PFKFB3: variants seen among roughly 807,000 people sequenced by gnomAD.
The protein encoded by PFKFB3 is 6-phosphofructo-2-kinase/fructose-2,6-bisphosphatase 3.
A neutral mutation model predicts 68.0 loss-of-function variants in PFKFB3; 33 were observed. The observed-to-expected ratio is 0.49, with a 90% confidence interval of 0.37 to 0.65. PFKFB3 has a LOEUF of 0.65. PFKFB3 is among the 30% of genes least tolerant of loss of function. PFKFB3 has a pLI of 0.00. For synonymous variants in PFKFB3, 315 were observed against 288.2 expected (o/e 1.09, Z -0.94); for missense variants, 586 against 712.2 (o/e 0.82, Z 2.02).
At chr10:6,278,527 G>A in the PFKFB3 span, among the ~76,000 whole-genome samples, 3 of 152,056 alleles carry the variant, frequency 2.0e-5, no homozygotes, top group South Asian at 2.1e-4. Flanking sequence ...TGCCCACCTC[G>A]GCCTCCCAAA....
the PFKFB3 span, among the ~76,000 whole-genome samples, chr10:6,303,630 T>G: frequency 6.6e-6 from 1 of 151,874 alleles, no homozygotes; most frequent in Admixed American, 6.6e-5. Flanking sequence ...CTGGCCAACA[T>G]AGTGAAACCC....
the PFKFB3 span, among the ~76,000 whole-genome samples, chr10:6,292,354 G>A: frequency 0.031 from 4,116 of 132,478 alleles, 187 homozygotes; most frequent in African/African-American, 0.11. Context: ...GCGCAATCTC[G>A]GCTCACTGCA....
chr10:6,313,916 C>G, the PFKFB3 span, among the ~76,000 whole-genome samples: 6 of 152,222 alleles, frequency 3.9e-5, no homozygotes, highest in Admixed American at 2.6e-4. This position sits in a 1 kb window ranked among gnomAD's most constrained non-coding sequence, Gnocchi z 4.2. Flanking sequence ...CCTGCCGCTG[C>G]CTCGCACACC....
chr10:6,209,653 C>T (rs1275494418), intron 1 of PFKFB3, among the ~76,000 whole-genome samples: 10 of 150,844 alleles, frequency 6.6e-5, no homozygotes, highest in African/African-American at 9.8e-5. Flanking sequence ...TTAGTATAGA[C>T]GGGGTTTTGC....
Position 6,215,897 on chromosome 10 carries a change from G to A in PFKFB3, c.300-228G>A, listed in dbSNP as rs779334682. On this transcript the variant is annotated intron_variant, in intron 3 of 14. Coordinates refer to ENST00000379775, the MANE Select transcript of PFKFB3 (RefSeq NM_004566.4). This position sits in a 1 kb window ranked among gnomAD's most constrained non-coding sequence, Gnocchi z 4.3. Reference sequence around the variant, plus strand: ...GCAGCTCCCCAGGAGTGGTTCCCGCGTGCAGCCCGGTTTGAGCACCGCCTC... The same window carrying A: ...GCAGCTCCCCAGGAGTGGTTCCCGCATGCAGCCCGGTTTGAGCACCGCCTC... 6.6e-6 allele frequency among the ~76,000 whole-genome samples: 1 copy of A among 152,106 alleles called. No homozygotes were observed. The highest frequency in any genetic ancestry group is 1.5e-5 in the Non-Finnish European group (1 of 68,016).
intron 1 of PFKFB3, chr10:6,146,224 C>T: frequency 7.0e-7 from 1 of 1,434,062 alleles, no homozygotes; most frequent in Non-Finnish European, 9.1e-7. Flanking sequence ...TGCCTCTCTT[C>T]TCTCATAACT....
intron 4 of PFKFB3, 75 bp from the exon 5 acceptor site, chr10:6,216,631 A>C: frequency 9.9e-7 from 1 of 1,011,742 alleles, no homozygotes; most frequent in Non-Finnish European, 1.6e-6. Flanking sequence ...TGGGTCTGGC[A>C]TCTTTGCTGT....
upstream of PFKFB3, among the ~76,000 whole-genome samples, chr10:6,199,527 C>T (rs1481195393): frequency 1.3e-5 from 2 of 151,558 alleles, no homozygotes; most frequent in African/African-American, 4.9e-5. Context: ...CTCTGTCACC[C>T]AGGCTGGAGT....
rs60958617 is a variant in PFKFB3, at chr10:6,245,402, TTTA to T, written c.1516-8757_1516-8755del. 5.1e-3 allele frequency among the ~76,000 whole-genome samples: 752 copies of T among 147,064 alleles called. 5 individuals are homozygous for T. Among genetic ancestry groups the T allele is most frequent in the Admixed American group, 0.011 (161 of 14,598 alleles). ...GAGCTACTGCACCCGGCCTATTTGA[TTTA>T]TTATTATTATTATTATTACTATTAT... On this transcript the variant is annotated intron_variant, in intron 14 of 14. Transcript: ENST00000640683.
chr10:6,314,572 T>G, the PFKFB3 span, among the ~76,000 whole-genome samples: 1 of 152,218 alleles, frequency 6.6e-6, no homozygotes, highest in Non-Finnish European at 1.5e-5. Context: ...TCTGTGCCAT[T>G]ATATGATGAC....
rs145637580 is a variant in PFKFB3, at chr10:6,162,474, G to A, written c.16+17461G>A. 2.1e-3 allele frequency among the ~76,000 whole-genome samples: 316 copies of A among 152,258 alleles called. 7 individuals are homozygous for A. The East Asian group carries it at 0.051, about 25-fold the overall frequency. Reference sequence around the variant, plus strand: ...GAGTGAAACACTTATCAGAGTGTCCGTAAAATGGCTATTTACCATTTTTGT... The same window carrying A: ...GAGTGAAACACTTATCAGAGTGTCCATAAAATGGCTATTTACCATTTTTGT... On this transcript the variant is annotated intron_variant, in intron 1 of 14. Transcript: ENST00000379789.
the PFKFB3 span, among the ~76,000 whole-genome samples, chr10:6,316,368 A>G: frequency 6.6e-6 from 1 of 152,234 alleles, no homozygotes; most frequent in African/African-American, 2.4e-5. Context: ...ACCACCAAAG[A>G]TCAATGACTT....
chr10:6,219,679 C>CGACAAAT lies in PFKFB3; in HGVS notation c.611_617dup (p.Cys206Ter), dbSNP rs765391948. 1 of 1,613,762 alleles carries CGACAAAT rather than the reference C, an allele frequency of 6.2e-7. No homozygotes were observed. The highest frequency in any genetic ancestry group is 2.2e-5 in the East Asian group (1 of 44,884). On this transcript the variant is annotated frameshift_variant, in exon 7 of 15. Coordinates refer to ENST00000379775, the MANE Select transcript of PFKFB3 (RefSeq NM_004566.4). LOFTEE classifies it high-confidence loss of function. The stretch of plus-strand genomic sequence containing the variant: ...AAGCCAGCTACCAGCCCCTCGACCC[C>CGACAAAT]GACAAATGCGACAGGTGATTCCCGT...
Position 6,146,368 on chromosome 10 carries a change from G to C in PFKFB3, c.16+1355G>C, listed in dbSNP as rs765472700. ...TGGCTGCTGACTCTCCTGTCCCGTT[G>C]GGGTAGAGAGATGGGGGAGGGTGGC... On this transcript the variant is annotated intron_variant, in intron 1 of 14. Coordinates refer to the PFKFB3 transcript ENST00000379789. 5 of 1,535,194 alleles carry C rather than the reference G, an allele frequency of 3.3e-6. No homozygotes were observed. In the South Asian group the frequency reaches 6.0e-5, roughly 18 times the overall value.
rs369662531 is a variant in PFKFB3, at chr10:6,178,888, C to T, written c.16+33875C>T. ...GGTCCCTACCTTGGAGGCCTGACTCCCTTGAGAAGTGTCCCCAACCCAGTT... is the reference window on the plus strand; with the variant it reads ...GGTCCCTACCTTGGAGGCCTGACTCTCTTGAGAAGTGTCCCCAACCCAGTT... On this transcript the variant is annotated intron_variant, in intron 1 of 14. Coordinates refer to the PFKFB3 transcript ENST00000379789. Among the ~76,000 whole-genome samples, 11 of 152,332 alleles carry T rather than the reference C, an allele frequency of 7.2e-5. No homozygotes were observed. The East Asian group carries it at 1.2e-3, about 16-fold the overall frequency.
chr10:6,202,956 A>C lies in PFKFB3; in HGVS notation c.-305A>C, dbSNP rs617245. The stretch of plus-strand genomic sequence containing the variant: ...CAGCCAAGCCGGAGAGGAGGCGAGC[A>C]GCAGGGCCTGGTGGCGAGAGCGCGG... On this transcript the variant is annotated 5_prime_UTR_variant, in exon 1 of 15. Coordinates refer to ENST00000379775, the MANE Select transcript of PFKFB3 (RefSeq NM_004566.4). The C allele has an allele frequency of 7.9e-7, 1 of 1,263,634 alleles. No homozygotes were observed. Among genetic ancestry groups the C allele is most frequent in the South Asian group, 2.0e-5 (1 of 50,034 alleles). The allele number at this position is 1,263,634 out of a possible 1,614,324, so 78.3% of individuals were successfully genotyped here. A position where few individuals can be genotyped will look rare whatever the true frequency, so the allele number is the denominator to read the frequency against.
the PFKFB3 span, among the ~76,000 whole-genome samples, chr10:6,282,479 A>G: frequency 1.3e-5 from 2 of 152,192 alleles, no homozygotes; most frequent in African/African-American, 4.8e-5. Flanking sequence ...CACCACTGTA[A>G]ATTTAAAGGG....
At chr10:6,164,107 T>G (rs1842053206) in intron 1 of PFKFB3, 1 of 152,232 alleles carries the variant, frequency 6.6e-6, no homozygotes, top group South Asian at 2.1e-4. Flanking sequence ...ATCTGGACTC[T>G]GCGGGGCGGC....
At chr10:6,283,840 G>T in the PFKFB3 span, among the ~76,000 whole-genome samples, 1 of 152,108 alleles carries the variant, frequency 6.6e-6, no homozygotes, top group African/African-American at 2.4e-5. Context: ...CAGGATCCAG[G>T]ATCCAATCAG....
Sources: allele counts gnomAD v4.1 joint callset (sites outside exome capture counted in the v4.1 genomes callset), GRCh38; gene constraint gnomAD v4.1.1; non-coding constraint Gnocchi (gnomAD v3.1); transcripts MANE v1.5; gene names NCBI Gene and HGNC (gene_info 2026-07-23, HGNC 2026-07-21).